SHLD2: variants seen among roughly 807,000 people sequenced by gnomAD.
SHLD2 encodes shieldin complex subunit 2, also known as RINN1-REV7-interacting novel NHEJ regulator 2.
Under a neutral mutation model 73.2 loss-of-function variants are expected in SHLD2, and 30 were observed. The observed-to-expected ratio is 0.41, with a 90% CI of 0.31 to 0.56. The LOEUF (loss-of-function observed/expected upper bound fraction) is 0.56, where lower values mean the gene tolerates loss of function less well. Among genes scored for constraint, SHLD2 ranks in the 20% least tolerant of loss-of-function variants. The pLI is 0.28. For missense variants in SHLD2, 745 were observed against 1,055.9 expected (o/e 0.71, Z 4.08); for synonymous variants, 285 against 370.1 (o/e 0.77, Z 2.64).
intron 2 of SHLD2, among the ~76,000 whole-genome samples, chr10:87,147,870 CT>C (rs1187680597): frequency 2.7e-3 from 383 of 143,506 alleles, no homozygotes; most frequent in Middle Eastern, 0.011. Flanking sequence ...GCTCCTATCA[CT>C]TTTTTTTTTT....
intron 4 of SHLD2, among the ~76,000 whole-genome samples, chr10:87,166,361 A>G (rs982486581): frequency 5.8e-5 from 8 of 137,450 alleles, no homozygotes; most frequent in Non-Finnish European, 1.1e-4. Flanking sequence ...AGAGTGACTA[A>G]CAATAACAAA....
chr10:87,153,625 G>A (rs1846170273), intron 3 of SHLD2, among the ~76,000 whole-genome samples: 1 of 152,116 alleles, frequency 6.6e-6, no homozygotes, highest in Non-Finnish European at 1.5e-5. Flanking sequence ...GTGTGCATGT[G>A]TGTATATATC....
chr10:87,113,008 A>G (rs1259740219), intron 2 of SHLD2, among the ~76,000 whole-genome samples: 1 of 152,194 alleles, frequency 6.6e-6, no homozygotes, highest in African/African-American at 2.4e-5. Flanking sequence ...ACCTAAATGT[A>G]GATCAGCTGA....
intron 2 of SHLD2, among the ~76,000 whole-genome samples, chr10:87,128,459 T>C (rs1321127623): frequency 6.6e-6 from 1 of 152,256 alleles, no homozygotes; most frequent in Non-Finnish European, 1.5e-5. Flanking sequence ...TTTCTCATAG[T>C]GCCCAGCAAT....
Position 87,147,096 on chromosome 10 carries a change from A to C in SHLD2, c.-5-4254A>C, listed in dbSNP as rs1413062228. Among the ~76,000 whole-genome samples, 4 of 150,408 alleles carry C rather than the reference A, an allele frequency of 2.7e-5. No homozygotes were observed. In the South Asian group the frequency reaches 6.3e-4, roughly 24 times the overall value. ...AGAAAAAAAAAAAAAAAACAAAAAAACCTTGTGTTTTATGGATCTCACATT... is the reference window on the plus strand; with the variant it reads ...AGAAAAAAAAAAAAAAAACAAAAAACCCTTGTGTTTTATGGATCTCACATT... On this transcript the variant is annotated intron_variant, in intron 2 of 9. Coordinates refer to ENST00000298786, the MANE Select transcript of SHLD2 (RefSeq NM_001330112.2).
upstream of SHLD2, chr10:87,094,799 G>A (rs1841688843): frequency 1.3e-6 from 2 of 1,506,918 alleles, no homozygotes; most frequent in African/African-American, 1.4e-5. The surrounding 1 kb of genome is among the most constrained non-coding windows in gnomAD (Gnocchi z 6.6). Context: ...GTGCGTGATG[G>A]TCGCGAAACA....
chr10:87,134,864 G>T (rs1844689564), intron 2 of SHLD2, among the ~76,000 whole-genome samples: 1 of 152,152 alleles, frequency 6.6e-6, no homozygotes, highest in South Asian at 2.1e-4. Context: ...TAAGGAAGCT[G>T]GCCTCCAGAA....
intron 9 of SHLD2, among the ~76,000 whole-genome samples, chr10:87,189,416 C>A (rs1848879234): frequency 6.6e-6 from 1 of 152,238 alleles, no homozygotes; most frequent in Non-Finnish European, 1.5e-5. Context: ...AGTTGTACTA[C>A]TTGGCATTAA....
intron 2 of SHLD2, among the ~76,000 whole-genome samples, chr10:87,107,418 AAAAAG>A (rs1279205813): frequency 1.3e-5 from 2 of 152,218 alleles, no homozygotes; most frequent in Admixed American, 6.5e-5. Flanking sequence ...CCTTCTCAAA[AAAAAG>A]AAAAGAAAAA....
At chr10:87,189,796 T>TTA (rs1421011864) in intron 9 of SHLD2, among the ~76,000 whole-genome samples, 1 of 152,130 alleles carries the variant, frequency 6.6e-6, no homozygotes, top group African/African-American at 2.4e-5. Flanking sequence ...TTAGTATTTT[T>TTA]TATTATTGAG....
intron 2 of SHLD2, among the ~76,000 whole-genome samples, chr10:87,145,860 G>A (rs949322147): frequency 3.3e-5 from 5 of 151,946 alleles, no homozygotes; most frequent in Non-Finnish European, 7.4e-5. Context: ...GTTTCATCTG[G>A]TATCTTAATG....
rs116474774 is a variant in SHLD2, at chr10:87,098,766, G to C, written c.-6+1777G>C. ...GTAAAATATACAGATAATTTGCAAA[G>C]TAAGGTTTTTTTTTATTTTTATTTT... On this transcript the variant is annotated intron_variant, in intron 2 of 9. Transcript: ENST00000298786. 7.8e-3 allele frequency among the ~76,000 whole-genome samples: 1,172 copies of C among 151,126 alleles called. 17 individuals carry two copies. The highest frequency in any genetic ancestry group is 0.028 in the African/African-American group (1,125 of 40,484).
chr10:87,169,522 C>G (rs1437858623), intron 4 of SHLD2, among the ~76,000 whole-genome samples: 2 of 152,074 alleles, frequency 1.3e-5, no homozygotes, highest in Non-Finnish European at 2.9e-5. Context: ...CCTGTTACAT[C>G]CCTTTTCTTT....
intron 8 of SHLD2, among the ~76,000 whole-genome samples, chr10:87,185,524 A>C (rs1391356291): frequency 6.6e-6 from 1 of 152,184 alleles, no homozygotes; most frequent in Non-Finnish European, 1.5e-5. Context: ...ACAATTTTAC[A>C]TTCTCATCAG....
chr10:87,189,288 A>G (rs6586063), intron 9 of SHLD2, among the ~76,000 whole-genome samples: 131,599 of 152,312 alleles, frequency 0.86, 57,691 homozygotes, highest in African/African-American at 0.95. Flanking sequence ...GGCGTGAGCC[A>G]CCGTGTCCGG....
At chr10:87,183,242 A>G (rs1848421564) in intron 8 of SHLD2, among the ~76,000 whole-genome samples, 1 of 152,214 alleles carries the variant, frequency 6.6e-6, no homozygotes. Flanking sequence ...TGGGTGAACA[A>G]TAAGATTATT....
At chr10:87,155,695 T>C (rs1426410343) in intron 3 of SHLD2, among the ~76,000 whole-genome samples, 1 of 151,882 alleles carries the variant, frequency 6.6e-6, no homozygotes, top group Non-Finnish European at 1.5e-5. Flanking sequence ...CCTTTTCCTT[T>C]TTCCTAGGTA....
At chr10:87,100,535 T>C (rs1842197817) in intron 2 of SHLD2, among the ~76,000 whole-genome samples, 1 of 150,644 alleles carries the variant, frequency 6.6e-6, no homozygotes, top group African/African-American at 2.4e-5. Context: ...TGGAGTGCAA[T>C]AGCGCGATCT....
intron 2 of SHLD2, among the ~76,000 whole-genome samples, chr10:87,125,841 C>T (rs772325271): frequency 9.2e-5 from 14 of 151,662 alleles, no homozygotes; most frequent in African/African-American, 2.2e-4. Flanking sequence ...GCAGGAGAAT[C>T]GCTTGAACCC....
Sources: allele counts gnomAD v4.1 joint callset (sites outside exome capture counted in the v4.1 genomes callset), GRCh38; gene constraint gnomAD v4.1.1; non-coding constraint Gnocchi (gnomAD v3.1); transcripts MANE v1.5; gene names NCBI Gene and HGNC (gene_info 2026-07-23, HGNC 2026-07-21).